Variants in KSR1 observed in about 807,000 individuals in gnomAD.
KSR1 encodes the protein kinase suppressor of ras 1.
Under a neutral mutation model 92.9 loss-of-function variants are expected in KSR1, and 35 were observed. The ratio of observed to expected loss-of-function variants is 0.38; its 90% CI spans 0.29 to 0.50. The LOEUF is 0.50. KSR1 is among the 20% of genes least tolerant of loss of function. KSR1 has a pLI of 0.94. For missense variants in KSR1, 972 were observed against 1,158.5 expected, an observed-to-expected ratio of 0.84 and a Z score of 2.34; for synonymous variants, 467 against 472.6, an observed-to-expected ratio of 0.99 and a Z score of 0.15.
At chr17:27,573,300 C>T (rs988841887) in intron 2 of KSR1, among the ~76,000 whole-genome samples, 1 of 152,212 alleles carries the variant, frequency 6.6e-6, no homozygotes, top group Non-Finnish European at 1.5e-5. Flanking sequence ...TGCCCCTTTC[C>T]CCAACACCAA....
intron 1 of KSR1, 105 bp downstream of exon 1, chr17:27,456,979 C>G: frequency 4.4e-6 from 3 of 689,018 alleles, no homozygotes; most frequent in South Asian, 3.0e-5. Flanking sequence ...CGCGTCGCCC[C>G]CCTTGGAGGC....
At chr17:27,549,009 T>C (rs574876517) in intron 1 of KSR1, among the ~76,000 whole-genome samples, 2 of 152,350 alleles carry the variant, frequency 1.3e-5, no homozygotes, top group Admixed American at 6.5e-5. Context: ...AGCATTTCTT[T>C]GGAGCATCAT....
chr17:27,591,010 G>T, intron 7 of KSR1, 116 bp downstream of exon 7: 1 of 863,016 alleles, frequency 1.2e-6, no homozygotes, highest in Non-Finnish European at 1.8e-6. Flanking sequence ...GAGTGATCAG[G>T]TCTCTTCAGG....
intron 1 of KSR1, among the ~76,000 whole-genome samples, chr17:27,514,783 T>G (rs1479585057): frequency 6.6e-6 from 1 of 152,268 alleles, no homozygotes; most frequent in Non-Finnish European, 1.5e-5. Context: ...TCCTGTCTTT[T>G]TGCTTTATCA....
At chr17:27,471,384 G>A (rs2019993281) in intron 1 of KSR1, among the ~76,000 whole-genome samples, 1 of 152,178 alleles carries the variant, frequency 6.6e-6, no homozygotes, top group Non-Finnish European at 1.5e-5. Flanking sequence ...TTTAGATGGG[G>A]TGATCGGGAA....
At chr17:27,560,549 C>G in intron 2 of KSR1, 1 of 511,588 alleles carries the variant, frequency 2.0e-6, no homozygotes, top group South Asian at 1.4e-5. Flanking sequence ...GAGGCCTTCT[C>G]CCAGAGATGG....
At position 27,456,989 on chromosome 17, in the gene KSR1, C is replaced by T. The variant is rs2019204016; in HGVS notation, c.231+115C>T. On this transcript the variant is annotated intron_variant, in intron 1 of 20. Coordinates refer to ENST00000644974, the MANE Select transcript of KSR1 (RefSeq NM_001394583.1). ...GAGCCCGCGTCGCCCCCCTTGGAGGCTTCCCCTCCCTCCTGCACTCGCTGA... is the reference window on the plus strand; with the variant it reads ...GAGCCCGCGTCGCCCCCCTTGGAGGTTTCCCCTCCCTCCTGCACTCGCTGA... 4 of 682,638 alleles carry T rather than the reference C, an allele frequency of 5.9e-6. No homozygotes were observed. The African/African-American group carries it at 7.2e-5, about 12-fold the overall frequency. The allele number at this position is 682,638 out of a possible 1,614,324, so 42.3% of individuals were successfully genotyped here.
rs578151742 is a variant in KSR1 at position 27,482,682 on chromosome 17, C to T, written c.231+25808C>T. ...GGCACTTAAAAACAGCAAACATTTG[C>T]TATAAAGAATTACTACTTGAGAAGA... On this transcript the variant is annotated intron_variant, in intron 1 of 20. Transcript: ENST00000644974. Among the ~76,000 whole-genome samples, 3 of 152,252 alleles carry T rather than the reference C, an allele frequency of 2.0e-5. No homozygotes were observed. In the South Asian group the frequency reaches 6.2e-4, roughly 32 times the overall value.
rs372384168 is a variant in KSR1 at position 27,562,591 on chromosome 17, G to A, written c.372+11883G>A. Among the ~76,000 whole-genome samples the A allele has an allele frequency of 2.0e-5, 3 of 152,356 alleles. No individual in the cohort carries two copies. In the East Asian group the frequency reaches 5.8e-4, roughly 29 times the overall value. On this transcript the variant is annotated intron_variant, in intron 2 of 20. Transcript: ENST00000644974. ...TACCTGGCTCCTGAGTGGTCAGCTT[G>A]TGTGTGTTCCCTCCTCCTCCTAGGA...
chr17:27,567,302 T>G (rs1449993750), intron 2 of KSR1, among the ~76,000 whole-genome samples: 1 of 152,114 alleles, frequency 6.6e-6, no homozygotes, highest in Non-Finnish European at 1.5e-5. Context: ...AAAAGTGCAT[T>G]GTCACCAAAA....
chr17:27,570,641 C>T (rs1259092577), intron 2 of KSR1, among the ~76,000 whole-genome samples: 3 of 152,182 alleles, frequency 2.0e-5, no homozygotes, highest in Admixed American at 6.5e-5. Flanking sequence ...GAGAGGGAGG[C>T]AGGGACCTGG....
chr17:27,526,344 T>C (rs2070297365), intron 1 of KSR1: 25 of 1,333,244 alleles, frequency 1.9e-5, no homozygotes, highest in Non-Finnish European at 2.5e-5. Context: ...CCAGACATTC[T>C]TTGCCAACAC....
intron 19 of KSR1, among the ~76,000 whole-genome samples, chr17:27,619,238 T>C (rs2074149162): frequency 6.6e-6 from 1 of 152,184 alleles, no homozygotes; most frequent in Non-Finnish European, 1.5e-5. Flanking sequence ...CAGCATTCCT[T>C]ATCCTAGGAA....
chr17:27,597,586 G>T (rs1281065604), intron 10 of KSR1, 150 bp downstream of exon 10: 4 of 825,242 alleles, frequency 4.8e-6, no homozygotes, highest in African/African-American at 1.7e-5. Flanking sequence ...AAGCACAATA[G>T]CTCTGAGGTT....
intron 1 of KSR1, 103 bp from the exon 2 acceptor site, chr17:27,550,465 C>G: frequency 1.4e-6 from 1 of 709,160 alleles, no homozygotes. Flanking sequence ...CTTCCCTCAT[C>G]ACATTGCTTG....
rs1377644206 is a variant in KSR1, at chr17:27,611,539, CCAGG to C, written c.2405_2408del (p.Gln802LeufsTer15). The C allele has an allele frequency of 1.2e-6, 2 of 1,613,778 alleles. No homozygotes were observed. Among genetic ancestry groups the C allele is most frequent in the African/African-American group, 2.7e-5 (2 of 74,916 alleles). On this transcript the variant is annotated frameshift_variant, in exon 18 of 21. Transcript: ENST00000644974. LOFTEE classifies it high-confidence loss of function. ...AAGCAAGAGACTGGCCCTTGAAGAA[CCAGG>C]CTGCAGAGGCATCCATCTGGCAGAT...
rs1398651775 is a variant in KSR1 at position 27,539,684 on chromosome 17, G to A, written c.232-10884G>A. Among the ~76,000 whole-genome samples the A allele has an allele frequency of 3.3e-5, 5 of 152,184 alleles. No individual in the cohort carries two copies. In the South Asian group the frequency reaches 6.2e-4, roughly 19 times the overall value. Reference sequence around the variant, plus strand: ...ACAGGGGAGTTAGGGGGTAAAGTGGGTGTCTTTCTTTCTCATGATTTAGTC... The same window carrying A: ...ACAGGGGAGTTAGGGGGTAAAGTGGATGTCTTTCTTTCTCATGATTTAGTC... On this transcript the variant is annotated intron_variant, in intron 1 of 20. Coordinates refer to ENST00000644974, the MANE Select transcript of KSR1 (RefSeq NM_001394583.1).
At chr17:27,597,148 G>C (rs552576120) in intron 9 of KSR1, 120 bp from the exon 10 acceptor site, 1 of 1,116,150 alleles carries the variant, frequency 9.0e-7, no homozygotes, top group African/African-American at 1.5e-5. Context: ...TAAAATGTCA[G>C]ACCCTGAGGA....
chr17:27,621,831 G>C (rs2074231575), intron 20 of KSR1: 1 of 1,220,690 alleles, frequency 8.2e-7, no homozygotes, highest in East Asian at 2.3e-5. Context: ...GGAGTCCCCT[G>C]CCCAGCTGCT....
Sources: gnomAD v4.1 joint callset for allele counts (sites outside exome capture counted in the v4.1 genomes callset) on GRCh38, gnomAD v4.1.1 for gene constraint, MANE v1.5 for transcripts, NCBI Gene and HGNC (gene_info 2026-07-23, HGNC 2026-07-21) for gene names.